GNAO1: variants seen among roughly 807,000 people sequenced by gnomAD.
GNAO1 encodes the protein G protein subunit alpha o1.
For missense variants in GNAO1, 166 were observed against 478.7 expected (o/e 0.35, Z 6.10); for synonymous variants, 164 against 180.7 (o/e 0.91, Z 0.74).
chr16:56,289,124 A>C (rs2143554367), intron 3 of GNAO1, among the ~76,000 whole-genome samples: 1 of 152,020 alleles, frequency 6.6e-6, no homozygotes, highest in South Asian at 2.1e-4. Context: ...TTAAGGAGGG[A>C]GTTGATGTTC....
intron 3 of GNAO1, among the ~76,000 whole-genome samples, chr16:56,286,050 G>A (rs937231232): frequency 6.6e-5 from 10 of 152,324 alleles, no homozygotes; most frequent in East Asian, 1.9e-4. Context: ...GCAGCACCAC[G>A]TGGGGAAGGC....
intron 2 of GNAO1, among the ~76,000 whole-genome samples, chr16:56,265,605 A>AT (rs1371553799): frequency 6.6e-6 from 1 of 151,982 alleles, no homozygotes; most frequent in Non-Finnish European, 1.5e-5. Flanking sequence ...GATGGCTGAA[A>AT]TTTTTTTCTT....
intron 2 of GNAO1, among the ~76,000 whole-genome samples, chr16:56,230,707 G>A (rs531479405): frequency 6.6e-6 from 1 of 152,112 alleles, no homozygotes; most frequent in African/African-American, 2.4e-5. Flanking sequence ...TCTAATATAG[G>A]GGTCCAGACT....
rs544260418 is a variant in GNAO1 at position 56,342,238 on chromosome 16, G to GGACA, written c.723+5379_723+5382dup. On this transcript the variant is annotated intron_variant, in intron 6 of 8. Coordinates refer to ENST00000262493, the MANE Select transcript of GNAO1 (RefSeq NM_020988.3). ...GGGCCTGGAGTGGGGAAGGAGGAGG[G>GGACA]GACAAGGGAGGCTGAGTAGTCAGCT... Among the ~76,000 whole-genome samples the GGACA allele has an allele frequency of 3.9e-4, 60 of 152,306 alleles. No homozygotes were observed. In the South Asian group the frequency reaches 0.012, roughly 31 times the overall value.
In GNAO1 at chr16:56,354,442, G is replaced by A. The variant is rs112070670; in HGVS notation, c.878-424G>A. ...TGTAATCCCAGCACTTTGGGAGGCC[G>A]AGGCAGGTGGATCACCTGAGGTCAG... On this transcript the variant is annotated intron_variant, in intron 7 of 8. Transcript: ENST00000262493. This position sits in a 1 kb window ranked among gnomAD's most constrained non-coding sequence, Gnocchi z 4.3. Among the ~76,000 whole-genome samples, 9 of 152,312 alleles carry A rather than the reference G, an allele frequency of 5.9e-5. No individual in the cohort carries two copies. Among genetic ancestry groups the A allele is most frequent in the African/African-American group, 1.7e-4 (7 of 41,570 alleles).
At chr16:56,291,811 G>C (rs577613123) in intron 3 of GNAO1, among the ~76,000 whole-genome samples, 1 of 152,262 alleles carries the variant, frequency 6.6e-6, no homozygotes, top group African/African-American at 2.4e-5. Flanking sequence ...CTCCATAGAT[G>C]GTGCCCTATC....
At chr16:56,340,362 T>C (rs1218408457) in intron 6 of GNAO1, 1 of 152,940 alleles carries the variant, frequency 6.5e-6, no homozygotes, top group Non-Finnish European at 1.5e-5. Flanking sequence ...GATCTCTTAG[T>C]CCTCAGTTAA....
intron 2 of GNAO1, among the ~76,000 whole-genome samples, chr16:56,218,378 G>A (rs1345610944): frequency 1.3e-5 from 2 of 152,206 alleles, no homozygotes; most frequent in Non-Finnish European, 2.9e-5. Flanking sequence ...TTGCAGGGAT[G>A]TTGAGGTGAC....
At chr16:56,340,760 G>T in intron 6 of GNAO1, 1 of 1,348,232 alleles carries the variant, frequency 7.4e-7, no homozygotes, top group Non-Finnish European at 1.0e-6. Context: ...TGCTTGTCCC[G>T]CTGTGTCATT....
intron 2 of GNAO1, among the ~76,000 whole-genome samples, chr16:56,243,082 T>A (rs1300046586): frequency 6.6e-6 from 1 of 151,822 alleles, no homozygotes; most frequent in Non-Finnish European, 1.5e-5. Flanking sequence ...ATCTAATGCC[T>A]GATGATCTGT....
intron 2 of GNAO1, among the ~76,000 whole-genome samples, chr16:56,254,397 A>T (rs1330556548): frequency 6.6e-6 from 1 of 152,190 alleles, no homozygotes; most frequent in Non-Finnish European, 1.5e-5. Flanking sequence ...TCTTCATAAA[A>T]TAAGTGTTCC....
intron 3 of GNAO1, among the ~76,000 whole-genome samples, chr16:56,319,844 C>T (rs1333967473): frequency 6.6e-6 from 1 of 152,082 alleles, no homozygotes; most frequent in Non-Finnish European, 1.5e-5. Flanking sequence ...TCTCCACAGG[C>T]CTCTTCCTCT....
rs537617802 is a variant in GNAO1, at chr16:56,252,008, C to T, written c.162-23923C>T. Among the ~76,000 whole-genome samples the T allele has an allele frequency of 2.0e-5, 3 of 152,242 alleles. No homozygotes were observed. In the South Asian group the frequency reaches 6.2e-4, roughly 32 times the overall value. Reference sequence around the variant, plus strand: ...CCTGGTGCATGGGCAACAAATGAGACTTTTTGCCTCCAGAAGGAGCTATAA... The same window carrying T: ...CCTGGTGCATGGGCAACAAATGAGATTTTTTGCCTCCAGAAGGAGCTATAA... On this transcript the variant is annotated intron_variant, in intron 2 of 8. Transcript: ENST00000262493.
At chr16:56,347,166 T>C (rs1189376155) in intron 6 of GNAO1, 1 of 985,352 alleles carries the variant, frequency 1.0e-6, no homozygotes, top group African/African-American at 1.7e-5. Context: ...CCCTCCTCCT[T>C]TTCAAGAAGT....
intron 2 of GNAO1, 160 bp downstream of exon 2, chr16:56,192,776 A>C (rs1596788082): frequency 2.3e-5 from 13 of 565,264 alleles, no homozygotes; most frequent in Non-Finnish European, 2.6e-5. Flanking sequence ...CCCCTCCCCC[A>C]CTCCCTACGT....
intron 4 of GNAO1, among the ~76,000 whole-genome samples, chr16:56,329,752 C>G (rs1278926189): frequency 6.6e-6 from 1 of 152,176 alleles, no homozygotes; most frequent in Non-Finnish European, 1.5e-5. Flanking sequence ...CTGACATGAT[C>G]CAGTCCAGCC....
intron 2 of GNAO1, among the ~76,000 whole-genome samples, chr16:56,196,549 C>T (rs556774964): frequency 6.6e-6 from 1 of 152,330 alleles, no homozygotes; most frequent in African/African-American, 2.4e-5. Flanking sequence ...GTGACACCCA[C>T]TTGGACCATG....
intron 2 of GNAO1, among the ~76,000 whole-genome samples, chr16:56,198,400 G>T (rs1417001171): frequency 6.6e-6 from 1 of 152,218 alleles, no homozygotes; most frequent in Non-Finnish European, 1.5e-5. Flanking sequence ...AGAGGAGAGA[G>T]CAGTGGCTTG....
At chr16:56,297,710 T>G (rs768639786) in intron 3 of GNAO1, among the ~76,000 whole-genome samples, 1 of 152,170 alleles carries the variant, frequency 6.6e-6, no homozygotes, top group Non-Finnish European at 1.5e-5. Context: ...TAGGCAGAAT[T>G]GAAAAATAAC....
Sources: gnomAD v4.1 joint callset for allele counts (sites outside exome capture counted in the v4.1 genomes callset) on GRCh38, gnomAD v4.1.1 for gene constraint, Gnocchi (gnomAD v3.1) non-coding constraint, MANE v1.5 for transcripts, NCBI Gene and HGNC (gene_info 2026-07-23, HGNC 2026-07-21) for gene names.